The following CD226 variants were observed in gnomAD, a reference collection of about 807,000 sequenced individuals.
The protein encoded by CD226 is CD226 antigen.
A neutral mutation model predicts 34.9 loss-of-function variants in CD226; 24 were observed. That is an observed-to-expected ratio of 0.69 (90% CI 0.50 to 0.97). The LOEUF is 0.97. CD226 is among the 50% of genes least tolerant of loss of function. CD226 has a pLI of 0.00. For missense variants in CD226, 397 were observed against 412.7 expected, an observed-to-expected ratio of 0.96 and a Z score of 0.33; for synonymous variants, 148 against 147.4, an observed-to-expected ratio of 1.00 and a Z score of -0.03.
intron 3 of CD226, among the ~76,000 whole-genome samples, chr18:69,884,351 G>A (rs146328111): frequency 0.011 from 1,655 of 152,200 alleles, 13 homozygotes; most frequent in Non-Finnish European, 0.017. Flanking sequence ...GAGAAACACT[G>A]CTCTACTCTA....
At chr18:69,960,226 C>T (rs528998364), upstream of CD226, among the ~76,000 whole-genome samples, 9 of 142,490 alleles carry the variant, frequency 6.3e-5, no homozygotes, top group South Asian at 1.1e-3. Flanking sequence ...GGTGACAGAG[C>T]GAGACTCCAT....
At chr18:69,915,078 C>A (rs1377284449) in intron 2 of CD226, among the ~76,000 whole-genome samples, 1 of 152,114 alleles carries the variant, frequency 6.6e-6, no homozygotes, top group East Asian at 1.9e-4. Flanking sequence ...TGGAGGTGAA[C>A]ACATTTCACC....
chr18:69,915,929 C>A (rs1039009515), intron 2 of CD226, among the ~76,000 whole-genome samples: 1 of 152,044 alleles, frequency 6.6e-6, no homozygotes, highest in East Asian at 1.9e-4. Flanking sequence ...ACAGGATGTG[C>A]CAGAGCCAGT....
intron 2 of CD226, among the ~76,000 whole-genome samples, chr18:69,902,152 C>T (rs1164593318): frequency 6.6e-6 from 1 of 152,172 alleles, no homozygotes; most frequent in Non-Finnish European, 1.5e-5. Flanking sequence ...CAGAACACCA[C>T]AAATGCTAAA....
chr18:69,919,468 A>G (rs145946994), intron 2 of CD226, among the ~76,000 whole-genome samples: 1 of 152,382 alleles, frequency 6.6e-6, no homozygotes, highest in African/African-American at 2.4e-5. Context: ...CATAATATTT[A>G]AAGGATCATC....
At chr18:69,928,494 A>G (rs533551279) in intron 2 of CD226, among the ~76,000 whole-genome samples, 9 of 152,290 alleles carry the variant, frequency 5.9e-5, no homozygotes, top group African/African-American at 2.2e-4. Context: ...GCCACAAACA[A>G]CATCCGGGGG....
At chr18:69,914,071 G>T (rs1272736511) in intron 2 of CD226, among the ~76,000 whole-genome samples, 1 of 152,146 alleles carries the variant, frequency 6.6e-6, no homozygotes, top group Non-Finnish European at 1.5e-5. Flanking sequence ...TATTTTCATA[G>T]CATGATTTTG....
intron 2 of CD226, among the ~76,000 whole-genome samples, chr18:69,900,707 C>T (rs1305638170): frequency 6.9e-6 from 1 of 145,792 alleles, no homozygotes; most frequent in African/African-American, 2.6e-5. Flanking sequence ...AGTCCGCAGT[C>T]CGGCCTGGGC....
At chr18:69,950,194 A>G (rs2055839367), upstream of CD226, among the ~76,000 whole-genome samples, 3 of 152,048 alleles carry the variant, frequency 2.0e-5, no homozygotes, top group Admixed American at 2.0e-4. Context: ...ATACACTCAC[A>G]TGCACGCACA....
chr18:69,947,321 G>A (rs775730272), intron 1 of CD226, 40 bp downstream of exon 1: 302 of 1,351,276 alleles, frequency 2.2e-4, no homozygotes, highest in Non-Finnish European at 2.8e-4. Context: ...ACAAAAACAG[G>A]AGCAAAACTT....
Position 69,896,270 on chromosome 18 carries a change from C to A in CD226, c.383-225G>T, listed in dbSNP as rs556794301. The A allele has an allele frequency of 2.7e-5, 13 of 475,362 alleles. No homozygotes were observed. In the South Asian group the frequency reaches 7.2e-4, roughly 26 times the overall value. The allele number at this position is 475,362 out of a possible 1,614,324, so 29.4% of individuals were successfully genotyped here. ...GATCTCGGCTCAATGCAACCTCCAC[C>A]TCCCAGGTTCACGCCATTCTCCTGC... On this transcript the variant is annotated intron_variant, in intron 2 of 5. Coordinates refer to ENST00000582621, the MANE Select transcript of CD226 (RefSeq NM_001303618.2).
chr18:69,934,573 G>T (rs1481066020), intron 2 of CD226, among the ~76,000 whole-genome samples: 1 of 152,178 alleles, frequency 6.6e-6, no homozygotes, highest in African/African-American at 2.4e-5. Context: ...ACACTAGTAA[G>T]TATGAATATT....
intron 2 of CD226, among the ~76,000 whole-genome samples, chr18:69,941,513 T>C (rs575575242): frequency 2.8e-4 from 43 of 152,344 alleles, no homozygotes; most frequent in African/African-American, 9.4e-4. Context: ...AAGGAGATCA[T>C]TTTTGGAACT....
At chr18:69,888,416 CTTTT>C (rs397771802) in intron 3 of CD226, among the ~76,000 whole-genome samples, 2 of 125,046 alleles carry the variant, frequency 1.6e-5, no homozygotes, top group East Asian at 2.3e-4. Flanking sequence ...TTTCCTTTCT[CTTTT>C]TTTTTTTTTT....
intron 2 of CD226, among the ~76,000 whole-genome samples, chr18:69,929,798 A>C (rs1170961586): frequency 6.6e-6 from 1 of 152,142 alleles, no homozygotes; most frequent in African/African-American, 2.4e-5. Context: ...TCAGGATCCC[A>C]AGTAAAACCT....
intron 1 of CD226, among the ~76,000 whole-genome samples, chr18:69,953,828 C>T (rs1243946118): frequency 4.0e-5 from 6 of 151,832 alleles, no homozygotes; most frequent in Admixed American, 3.3e-4. Context: ...GGTGAAACCC[C>T]GACTCTACTA....
In CD226 at chr18:69,877,294, A is replaced by G. The variant is rs368973238; in HGVS notation, c.728-4048T>C. Among the ~76,000 whole-genome samples, 90 of 152,228 alleles carry G rather than the reference A, an allele frequency of 5.9e-4. 1 individual carries two copies. In the South Asian group the frequency reaches 0.018, roughly 31 times the overall value. On this transcript the variant is annotated intron_variant, in intron 3 of 5. Coordinates refer to ENST00000582621, the MANE Select transcript of CD226 (RefSeq NM_001303618.2). Reference sequence around the variant, plus strand: ...CACATTTGTCAGTTTAATATCAAGGATATTGCAAGGGATACAGATGAAGAG... The same window carrying G: ...CACATTTGTCAGTTTAATATCAAGGGTATTGCAAGGGATACAGATGAAGAG...
In CD226 at chr18:69,879,681, C is replaced by T. The variant is rs376926376; in HGVS notation, c.728-6435G>A. On this transcript the variant is annotated intron_variant, in intron 3 of 5. Transcript: ENST00000582621. The stretch of plus-strand genomic sequence containing the variant: ...TGAGGTGACATACATCCTCAGCTTA[C>T]GAAGATGACGGGATTAAGAGATTAA... Among the ~76,000 whole-genome samples the T allele has an allele frequency of 5.8e-4, 88 of 152,286 alleles. No individual in the cohort carries two copies. The South Asian group carries it at 0.013, about 23-fold the overall frequency.
At chr18:69,881,787 C>T (rs1356361974) in intron 3 of CD226, among the ~76,000 whole-genome samples, 1 of 152,148 alleles carries the variant, frequency 6.6e-6, no homozygotes, top group Non-Finnish European at 1.5e-5. Flanking sequence ...AACATCTATA[C>T]AATAACTGTT....
Sources: gnomAD v4.1 joint callset for allele counts (sites outside exome capture counted in the v4.1 genomes callset) on GRCh38, gnomAD v4.1.1 for gene constraint, MANE v1.5 for transcripts, NCBI Gene and HGNC (gene_info 2026-07-23, HGNC 2026-07-21) for gene names.